DYRK1A: variants seen among roughly 807,000 people sequenced by gnomAD.
DYRK1A encodes the protein dual specificity tyrosine phosphorylation regulated kinase 1A.
In DYRK1A, 9 loss-of-function variants were observed where a neutral mutation model predicts 79.7. The ratio of observed to expected loss-of-function variants is 0.11; its 90% CI spans 0.07 to 0.20. DYRK1A has a LOEUF of 0.20. Ranked by LOEUF, DYRK1A falls within the 10% of genes least tolerant of loss-of-function variation. DYRK1A has a pLI of 1.00. For synonymous variants in DYRK1A, 349 were observed against 329.7 expected (o/e 1.06, Z -0.63); for missense variants, 622 against 956.0 (o/e 0.65, Z 4.61).
intron 1 of DYRK1A, among the ~76,000 whole-genome samples, chr21:37,412,045 A>T (rs1388942068): frequency 6.6e-6 from 1 of 152,226 alleles, no homozygotes; most frequent in Non-Finnish European, 1.5e-5. Flanking sequence ...CACTGGAGTG[A>T]GTATATAACA....
At position 37,479,398 on chromosome 21, in the gene DYRK1A, CTGT is replaced by C. The variant is rs200379122; in HGVS notation, c.300+1103_300+1105del. 7.9e-5 allele frequency among the ~76,000 whole-genome samples: 12 copies of C among 151,248 alleles called. No individual in the cohort carries two copies. The East Asian group carries it at 2.1e-3, about 27-fold the overall frequency. On this transcript the variant is annotated intron_variant, in intron 4 of 11. Coordinates refer to ENST00000647188, the MANE Select transcript of DYRK1A (RefSeq NM_001347721.2). ...AATTGTTAACAAAGCTACAGTTAAA[CTGT>C]TGTTAACAGTAGCTTTCTTGGAGCT...
chr21:37,511,775 T>G (rs1346247611), intron 11 of DYRK1A, 136 bp from the exon 12 acceptor site: 1 of 1,058,610 alleles, frequency 9.4e-7, no homozygotes, highest in African/African-American at 1.6e-5. Flanking sequence ...AAAACTGTCT[T>G]AACACATTAA....
intron 1 of DYRK1A, among the ~76,000 whole-genome samples, chr21:37,393,586 T>C (rs928522843): frequency 2.0e-5 from 3 of 152,198 alleles, no homozygotes; most frequent in Non-Finnish European, 4.4e-5. Flanking sequence ...AGGTAGAATG[T>C]TTATTTTGAA....
chr21:37,389,820 G>A (rs945792547), intron 1 of DYRK1A, among the ~76,000 whole-genome samples: 6 of 152,128 alleles, frequency 3.9e-5, no homozygotes, highest in African/African-American at 1.4e-4. Flanking sequence ...TGAATCCCAT[G>A]CTGGTGTTCT....
intron 2 of DYRK1A, among the ~76,000 whole-genome samples, chr21:37,426,600 T>C (rs892016158): frequency 1.3e-5 from 2 of 151,778 alleles, no homozygotes; most frequent in African/African-American, 4.8e-5. Flanking sequence ...ATATAAAATT[T>C]CTCAAAAAAC....
intron 2 of DYRK1A, chr21:37,430,342 G>A: frequency 1.0e-6 from 1 of 984,010 alleles, no homozygotes; most frequent in South Asian, 4.7e-5. Context: ...AGAGGGAGAT[G>A]TGATACTGTG....
chr21:37,390,511 G>T (rs1412489503), intron 1 of DYRK1A, among the ~76,000 whole-genome samples: 1 of 152,172 alleles, frequency 6.6e-6, no homozygotes, highest in Non-Finnish European at 1.5e-5. Context: ...TGCCCCCATA[G>T]TGTAGTGTTC....
intron 2 of DYRK1A, among the ~76,000 whole-genome samples, chr21:37,447,641 C>G (rs2051316241): frequency 6.6e-6 from 1 of 152,154 alleles, no homozygotes; most frequent in Non-Finnish European, 1.5e-5. Context: ...GACCCCTGCT[C>G]AGGATGTAGC....
intron 3 of DYRK1A, among the ~76,000 whole-genome samples, chr21:37,473,419 T>C (rs1326694811): frequency 1.3e-5 from 2 of 152,240 alleles, no homozygotes; most frequent in Non-Finnish European, 2.9e-5. Flanking sequence ...TGCTGAACTC[T>C]TGGTACTCAC....
intron 1 of DYRK1A, among the ~76,000 whole-genome samples, chr21:37,402,609 T>A (rs570611018): frequency 1.4e-4 from 21 of 152,222 alleles, no homozygotes; most frequent in Non-Finnish European, 2.6e-4. Flanking sequence ...TAAGCTATGG[T>A]TTCTTCAGAT....
At chr21:37,442,686 G>C (rs1222472718) in intron 2 of DYRK1A, among the ~76,000 whole-genome samples, 2 of 152,020 alleles carry the variant, frequency 1.3e-5, no homozygotes, top group African/African-American at 4.8e-5. Flanking sequence ...TGATATTCCT[G>C]TCCCAGCCTC....
intron 1 of DYRK1A, among the ~76,000 whole-genome samples, chr21:37,368,360 C>T (rs538922719): frequency 6.6e-6 from 1 of 152,340 alleles, no homozygotes; most frequent in South Asian, 2.1e-4. Flanking sequence ...AACCCACTCT[C>T]GCTTCGGAGC....
chr21:37,443,261 C>T (rs1411329255), intron 2 of DYRK1A, among the ~76,000 whole-genome samples: 1 of 152,146 alleles, frequency 6.6e-6, no homozygotes, highest in Admixed American at 6.5e-5. Flanking sequence ...CCTCCTGCTT[C>T]AGCCTCCCAA....
At position 37,513,625 on chromosome 21, in the gene DYRK1A, G is replaced by A. The variant is rs998284984; in HGVS notation, c.*1094G>A. 2.0e-5 allele frequency: 3 copies of A among 152,558 alleles called. No individual in the cohort carries two copies. Among genetic ancestry groups the A allele is most frequent in the Non-Finnish European group, 4.4e-5 (3 of 68,024 alleles). 9.5% of individuals were successfully genotyped at this position (152,558 alleles called of 1,614,324 possible). A position where few individuals can be genotyped will look rare whatever the true frequency, so the allele number is the denominator to read the frequency against. ...CTTTGATGGAAATAGCTACAGCTGTGTCCCTTCCTGCTTTTTACTTTTTCT... is the reference window on the plus strand; with the variant it reads ...CTTTGATGGAAATAGCTACAGCTGTATCCCTTCCTGCTTTTTACTTTTTCT... On this transcript the variant is annotated 3_prime_UTR_variant, in exon 12 of 12. Coordinates refer to ENST00000647188, the MANE Select transcript of DYRK1A (RefSeq NM_001347721.2).
At chr21:37,484,620 T>A (rs1332188032) in intron 5 of DYRK1A, among the ~76,000 whole-genome samples, 1 of 152,162 alleles carries the variant, frequency 6.6e-6, no homozygotes, top group Non-Finnish European at 1.5e-5. Context: ...CATGAGCTGC[T>A]GTACAGGGCC....
chr21:37,494,514 T>C (rs1273510372), intron 8 of DYRK1A, among the ~76,000 whole-genome samples: 1 of 151,854 alleles, frequency 6.6e-6, no homozygotes, highest in African/African-American at 2.4e-5. Context: ...AATGCTCTTT[T>C]CTGAGATACT....
At chr21:37,478,375 TA>T in intron 4 of DYRK1A, 75 bp downstream of exon 4, 1 of 1,390,566 alleles carries the variant, frequency 7.2e-7, no homozygotes, top group Non-Finnish European at 9.9e-7. Context: ...CTATTTACCC[TA>T]AACTTTTTTT....
Position 37,401,480 on chromosome 21 carries a change from TCC to T in DYRK1A, c.-76-18818_-76-18817del, listed in dbSNP as rs1569293811. On this transcript the variant is annotated intron_variant, in intron 1 of 11. Transcript: ENST00000647188. ...TTCAGATAGTCTTGTTATTTCTAGT[TCC>T]TTTTTTTTTTTTTTTGGGAGACAGA... is the stretch of plus-strand genomic sequence containing the variant. Among the ~76,000 whole-genome samples, 3 of 140,132 alleles carry T rather than the reference TCC, an allele frequency of 2.1e-5. 1 individual carries two copies. The allele number at this position is 140,132 out of a possible 152,430, so 91.9% of individuals were successfully genotyped here.
intron 1 of DYRK1A, among the ~76,000 whole-genome samples, chr21:37,414,065 ATATATATG>A (rs1424898044): frequency 3.3e-5 from 5 of 152,096 alleles, no homozygotes; most frequent in Non-Finnish European, 7.4e-5. Context: ...TGATATAAAG[ATATATATG>A]TATATATACA....
Sources: allele counts gnomAD v4.1 joint callset (sites outside exome capture counted in the v4.1 genomes callset), GRCh38; gene constraint gnomAD v4.1.1; transcripts MANE v1.5; gene names NCBI Gene and HGNC (gene_info 2026-07-23, HGNC 2026-07-21).